OGFOD3: variants seen among roughly 807,000 people sequenced by gnomAD.
OGFOD3 encodes 2-oxoglutarate and iron dependent oxygenase domain containing 3.
A neutral mutation model predicts 39.8 loss-of-function variants in OGFOD3; 35 were observed. The observed-to-expected ratio is 0.88, with a 90% CI of 0.67 to 1.17. The LOEUF is 1.17. Among genes scored for constraint, OGFOD3 ranks in the 50% most tolerant of loss-of-function variants. The pLI is 0.00. For synonymous variants in OGFOD3, 200 were observed against 192.0 expected (o/e 1.04, Z -0.34); for missense variants, 438 against 454.5 (o/e 0.96, Z 0.33).
At chr17:82,414,361 C>T (rs772925632) in intron 2 of OGFOD3, among the ~76,000 whole-genome samples, 7 of 152,180 alleles carry the variant, frequency 4.6e-5, no homozygotes, top group Non-Finnish European at 7.4e-5. Context: ...TGGTCTTGAA[C>T]TCTTGGCCTC....
At chr17:82,394,569 T>C in intron 8 of OGFOD3, 2 of 1,582,468 alleles carry the variant, frequency 1.3e-6, no homozygotes, top group Non-Finnish European at 1.7e-6. Context: ...AGGGATTGTG[T>C]GGTAAAGGGT....
In OGFOD3 at chr17:82,394,471, C is replaced by G. The variant is rs575435237; in HGVS notation, c.824-1937G>C. ...AGGACACCTGACTCCAGCCTTCGCACCAGCAGCTTCACTGGCTCTCGGTCC... is the reference window on the plus strand; with the variant it reads ...AGGACACCTGACTCCAGCCTTCGCAGCAGCAGCTTCACTGGCTCTCGGTCC... On this transcript the variant is annotated intron_variant, in intron 8 of 8. Coordinates refer to ENST00000313056, the MANE Select transcript of OGFOD3 (RefSeq NM_024648.3). The G allele has an allele frequency of 3.1e-5, 50 of 1,614,068 alleles. No homozygotes were observed. In the African/African-American group the frequency reaches 5.7e-4, roughly 18 times the overall value.
Position 82,398,329 on chromosome 17 carries a change from G to A in OGFOD3, c.700-10C>T, listed in dbSNP as rs749251861. 6.2e-7 allele frequency: 1 copy of A among 1,614,064 alleles called. No homozygotes were observed. The highest frequency in any genetic ancestry group is 2.2e-5 in the East Asian group (1 of 44,882). ...AGGAGCCGTAGGTCACCTGAGGGCA[G>A]AGCCGGGAGGAGGGGGCAGAATGGG... is the stretch of plus-strand genomic sequence containing the variant. On this transcript the variant is annotated splice_polypyrimidine_tract_variant and intron_variant, in intron 7 of 8. Coordinates refer to ENST00000313056, the MANE Select transcript of OGFOD3 (RefSeq NM_024648.3).
rs71168106 is a variant in OGFOD3 at position 82,410,710 on chromosome 17, C to CTT, written c.380+743_380+744dup. Among the ~76,000 whole-genome samples, 68 of 91,740 alleles carry CTT rather than the reference C, an allele frequency of 7.4e-4. 1 individual carries two copies. Among genetic ancestry groups the CTT allele is most frequent in the Middle Eastern group, 7.1e-3 (1 of 140 alleles). The allele number at this position is 91,740 out of a possible 152,430, so 60.2% of individuals were successfully genotyped here. On this transcript the variant is annotated intron_variant, in intron 3 of 8. Transcript: ENST00000313056. ...GCTTGGCCCTTGAAAGCACATAATT[C>CTT]TTTTTTTTTTTTTTTTTTTTTTTTT...
chr17:82,404,172 G>C lies in OGFOD3; in HGVS notation c.546-82C>G, dbSNP rs760812552. On this transcript the variant is annotated intron_variant, in intron 6 of 8. Transcript: ENST00000313056. This position sits in a 1 kb window ranked among gnomAD's most constrained non-coding sequence, Gnocchi z 4.5. ...GTCCCAACCCGTGGGTGGCAGGAAA[G>C]GAACCAGCCTTCGTACGGCTCCGGG... is the stretch of plus-strand genomic sequence containing the variant. The C allele has an allele frequency of 2.7e-4, 390 of 1,440,476 alleles. No individual in the cohort carries two copies. Among genetic ancestry groups the C allele is most frequent in the Non-Finnish European group, 3.4e-4 (370 of 1,087,078 alleles). 89.2% of individuals were successfully genotyped at this position (1,440,476 alleles called of 1,614,324 possible). A position where few individuals can be genotyped will look rare whatever the true frequency, so the allele number is the denominator to read the frequency against.
chr17:82,404,741 CTTTT>C lies in OGFOD3; in HGVS notation c.545+579_545+582del, dbSNP rs869251737. On this transcript the variant is annotated intron_variant, in intron 6 of 8. Coordinates refer to ENST00000313056, the MANE Select transcript of OGFOD3 (RefSeq NM_024648.3). This position sits in a 1 kb window ranked among gnomAD's most constrained non-coding sequence, Gnocchi z 4.5. Reference sequence around the variant, plus strand: ...CCAGCAGAATTTTTTCTTTTCTTTTCTTTTTTTTTTTTTTTTTTGAGATGAGGCT... The same window carrying C: ...CCAGCAGAATTTTTTCTTTTCTTTTCTTTTTTTTTTTTTTGAGATGAGGCT... Among the ~76,000 whole-genome samples the C allele has an allele frequency of 2.3e-5, 3 of 133,180 alleles. No individual in the cohort carries two copies. Among genetic ancestry groups the C allele is most frequent in the African/African-American group, 5.6e-5 (2 of 35,400 alleles). The allele number at this position is 133,180 out of a possible 152,430, so 87.4% of individuals were successfully genotyped here.
intron 2 of OGFOD3, among the ~76,000 whole-genome samples, chr17:82,413,872 T>C (rs1247291572): frequency 7.8e-6 from 1 of 127,982 alleles, no homozygotes; most frequent in Non-Finnish European, 1.6e-5. Flanking sequence ...TGAGTGACAC[T>C]CTGTCCAAAA....
At position 82,404,043 on chromosome 17, in the gene OGFOD3, A is replaced by T; in HGVS notation, c.593T>A (p.Ile198Asn). 1 of 1,610,264 alleles carries T rather than the reference A, an allele frequency of 6.2e-7. No individual in the cohort carries two copies. Among genetic ancestry groups the T allele is most frequent in the Non-Finnish European group, 8.5e-7 (1 of 1,178,400 alleles). The stretch of plus-strand genomic sequence containing the variant: ...GGTCAGATGCAGCGAGGATGCGCTG[A>T]TGCCAAAAGCCTCAGCAATGGTGAG... ...VQLTIAEAFG[I>N]SASSLHLTKP... Residue 198 changes from isoleucine (I) to asparagine (N), a missense_variant, in exon 7 of 9, where the codon ATC (isoleucine) becomes AAC (asparagine). By Grantham distance (149) the Ile-to-Asn change is moderately radical. Transcript: ENST00000313056. The surrounding 1 kb of genome is among the most constrained non-coding windows in gnomAD (Gnocchi z 4.5).
chr17:82,403,758 T>C, intron 7 of OGFOD3, 179 bp downstream of exon 7: 1 of 791,006 alleles, frequency 1.3e-6, no homozygotes, highest in South Asian at 1.6e-5. Flanking sequence ...CCTGTCCACA[T>C]GCGCGCTCAC....
At chr17:82,405,250 C>A (rs543939395) in intron 6 of OGFOD3, 74 bp downstream of exon 6, 5 of 1,336,784 alleles carry the variant, frequency 3.7e-6, no homozygotes, top group Non-Finnish European at 4.3e-6. Flanking sequence ...CTCCCCGGAC[C>A]GGCCAGCTCT....
chr17:82,401,803 CAAAAA>C (rs79956747), intron 7 of OGFOD3, among the ~76,000 whole-genome samples: 1 of 61,722 alleles, frequency 1.6e-5, no homozygotes, highest in East Asian at 9.5e-4. Flanking sequence ...GACTCCATCT[CAAAAA>C]AAAAAAAAAA....
Position 82,392,323 on chromosome 17 carries a change from C to T in OGFOD3, c.*75G>A, listed in dbSNP as rs1437173575. 55 of 1,509,102 alleles carry T rather than the reference C, an allele frequency of 3.6e-5. No individual in the cohort carries two copies. Among genetic ancestry groups the T allele is most frequent in the Non-Finnish European group, 4.6e-5 (51 of 1,113,928 alleles). 93.5% of individuals were successfully genotyped at this position (1,509,102 alleles called of 1,614,324 possible). On this transcript the variant is annotated 3_prime_UTR_variant, in exon 9 of 9. Transcript: ENST00000313056. This position sits in a 1 kb window ranked among gnomAD's most constrained non-coding sequence, Gnocchi z 4.2. ...ACTCTGTGCAACAGGAGCGGGTGGA[C>T]GTGGGGGTGGGTGCACGACTGGCGC...
At chr17:82,416,632 C>A (rs144647909) in intron 1 of OGFOD3, among the ~76,000 whole-genome samples, 23 of 152,064 alleles carry the variant, frequency 1.5e-4, no homozygotes, top group Non-Finnish European at 7.4e-5. Flanking sequence ...TCATTTAAGG[C>A]ATATTAGGAC....
intron 1 of OGFOD3, among the ~76,000 whole-genome samples, chr17:82,417,594 G>C (rs1169110683): frequency 6.8e-6 from 1 of 147,968 alleles, no homozygotes; most frequent in Non-Finnish European, 1.5e-5. Context: ...ACTCCAGCCT[G>C]GGCAACAGAG....
At chr17:82,418,384 C>G (rs2053124034) in intron 1 of OGFOD3, 28 bp downstream of exon 1, 2 of 1,453,792 alleles carry the variant, frequency 1.4e-6, no homozygotes, top group African/African-American at 3.0e-5. Flanking sequence ...GCCGCCGCAG[C>G]GCGCGCCCTT....
In OGFOD3 at chr17:82,415,788, C is replaced by T. The variant is rs1283476605; in HGVS notation, c.75-161G>A. Reference sequence around the variant, plus strand: ...GGGCCAGCGCTGTCCACTCAGGAAACACGGACTCTTCCCTCCCTTTCCCTT... The same window carrying T: ...GGGCCAGCGCTGTCCACTCAGGAAATACGGACTCTTCCCTCCCTTTCCCTT... On this transcript the variant is annotated intron_variant, in intron 1 of 8. Transcript: ENST00000313056. This position sits in a 1 kb window ranked among gnomAD's most constrained non-coding sequence, Gnocchi z 5.3. 6.6e-6 allele frequency among the ~76,000 whole-genome samples: 1 copy of T among 152,084 alleles called. No homozygotes were observed. The highest frequency in any genetic ancestry group is 2.4e-5 in the African/African-American group (1 of 41,386).
rs777031609 is a variant in OGFOD3, at chr17:82,411,549, G to A, written c.305-19C>T. On this transcript the variant is annotated intron_variant, in intron 2 of 8. Transcript: ENST00000313056. ...GTGCAGCCTGTGAAGGGACAGCCAG[G>A]GTGAGACGCAGTTTCCAAGGCCACC... 1.9e-6 allele frequency: 3 copies of A among 1,612,076 alleles called. No individual in the cohort carries two copies. Among genetic ancestry groups the A allele is most frequent in the East Asian group, 4.5e-5 (2 of 44,860 alleles).
At chr17:82,401,856 A>G (rs2052772236) in intron 7 of OGFOD3, among the ~76,000 whole-genome samples, 1 of 150,360 alleles carries the variant, frequency 6.7e-6, no homozygotes, top group South Asian at 2.1e-4. Context: ...ATTTAGTAAC[A>G]AATGTCACAC....
At chr17:82,409,242 C>T (rs537121739) in intron 4 of OGFOD3, 126 bp downstream of exon 4, 9 of 906,498 alleles carry the variant, frequency 9.9e-6, no homozygotes, top group East Asian at 2.5e-5. Flanking sequence ...AGAAACACCA[C>T]GGCAGGCCCC....
Sources: allele counts gnomAD v4.1 joint callset (sites outside exome capture counted in the v4.1 genomes callset), GRCh38; gene constraint gnomAD v4.1.1; non-coding constraint Gnocchi (gnomAD v3.1); transcripts MANE v1.5; gene names NCBI Gene and HGNC (gene_info 2026-07-23, HGNC 2026-07-21).